The following SBF2 variants were observed in gnomAD, a reference collection of about 807,000 sequenced individuals.
SBF2 encodes the protein myotubularin-related protein 13.
In SBF2, 112 loss-of-function variants were observed where a neutral mutation model predicts 225.2. The observed-to-expected ratio is 0.50, with a 90% CI of 0.43 to 0.58. SBF2 has a LOEUF of 0.58. SBF2 is among the 20% of genes least tolerant of loss of function. SBF2 has a pLI of 0.00. For synonymous variants in SBF2, 763 were observed against 773.3 expected (o/e 0.99, Z 0.22); for missense variants, 1,996 against 2,206.2 (o/e 0.90, Z 1.91).
At chr11:9,781,461 A>G in intron 39 of SBF2, 46 bp downstream of exon 39, 3 of 1,612,910 alleles carry the variant, frequency 1.9e-6, no homozygotes, top group Non-Finnish European at 2.5e-6. Flanking sequence ...GACAGACAGA[A>G]TGATGTGCAG....
Position 9,962,078 on chromosome 11 carries a change from T to C in SBF2, c.1739A>G (p.Lys580Arg), listed in dbSNP as rs546848579. The C allele has an allele frequency of 6.2e-7, 1 of 1,614,100 alleles. No homozygotes were observed. The highest frequency in any genetic ancestry group is 1.7e-5 in the Admixed American group (1 of 60,020). The change falls in exon 16 of 40, where the codon AAA (lysine) becomes AGA (arginine). Residue 580 changes from lysine to arginine, a missense_variant. Transcript: ENST00000256190. ...KTLPAALRAL[K>R]GKAARQCLTD... ...GAGACACTGTCTTGCTGCCTTTCCT[T>C]TAAGGGCTCTGAGTGCAGCAGGAAG...
At chr11:9,839,455 A>G in intron 26 of SBF2, 43 bp downstream of exon 26, 2 of 1,578,964 alleles carry the variant, frequency 1.3e-6, no homozygotes, top group East Asian at 2.2e-5. Context: ...AAATAAGAAG[A>G]AAGGAAGGAA....
intron 27 of SBF2, among the ~76,000 whole-genome samples, chr11:9,830,693 T>A (rs567730968): frequency 1.3e-5 from 2 of 149,914 alleles, no homozygotes; most frequent in African/African-American, 4.9e-5. Context: ...TGAGCCAAGA[T>A]TGCGCCATTG....
intron 17 of SBF2, among the ~76,000 whole-genome samples, chr11:9,870,260 G>A (rs968761729): frequency 2.6e-5 from 4 of 152,170 alleles, no homozygotes; most frequent in Non-Finnish European, 5.9e-5. Flanking sequence ...AATCAGTATT[G>A]TGAAAATGGC....
At chr11:10,156,692 C>G (rs1385893799) in intron 2 of SBF2, among the ~76,000 whole-genome samples, 1 of 152,144 alleles carries the variant, frequency 6.6e-6, no homozygotes, top group African/African-American at 2.4e-5. Flanking sequence ...AATAAAATAC[C>G]TAAGAATACA....
At chr11:10,008,306 C>G (rs1203962137) in intron 6 of SBF2, among the ~76,000 whole-genome samples, 1 of 152,174 alleles carries the variant, frequency 6.6e-6, no homozygotes. Context: ...ACATACTAAC[C>G]TAGACCCAGA....
intron 2 of SBF2, among the ~76,000 whole-genome samples, chr11:10,071,413 C>T (rs1178346270): frequency 6.6e-6 from 1 of 151,890 alleles, no homozygotes; most frequent in African/African-American, 2.4e-5. Context: ...ACTACAAGCG[C>T]CCGCAACCAC....
At chr11:9,797,767 G>C (rs377755339) in intron 32 of SBF2, among the ~76,000 whole-genome samples, 11 of 152,316 alleles carry the variant, frequency 7.2e-5, no homozygotes, top group African/African-American at 2.6e-4. Context: ...CCAGGAGTTT[G>C]AGACCAACCT....
chr11:9,861,547 C>G (rs371297400), intron 17 of SBF2, among the ~76,000 whole-genome samples: 88 of 151,828 alleles, frequency 5.8e-4, no homozygotes, highest in African/African-American at 2.1e-3. Context: ...ACCTGTAATC[C>G]CAGCTACTTG....
intron 35 of SBF2, among the ~76,000 whole-genome samples, chr11:9,788,160 C>A (rs1852496272): frequency 6.6e-6 from 1 of 152,126 alleles, no homozygotes; most frequent in Admixed American, 6.5e-5. Context: ...ATGATTCAAA[C>A]CAGATGTGGA....
chr11:9,781,139 A>C lies in SBF2; in HGVS notation c.5451+368T>G, dbSNP rs116383034. Among the ~76,000 whole-genome samples, 994 of 152,370 alleles carry C rather than the reference A, an allele frequency of 6.5e-3. 11 individuals are homozygous for C. Among genetic ancestry groups the C allele is most frequent in the African/African-American group, 0.023 (947 of 41,590 alleles). ...CGTAGACACTTATCATGTGTGACTA[A>C]GGACAGTCTTTTGTGGGTAGTCAAG... On this transcript the variant is annotated intron_variant, in intron 39 of 39. Transcript: ENST00000256190.
rs202116804 is a variant in SBF2 at position 10,161,204 on chromosome 11, AAAAT to A, written c.141+32694_141+32697del. On this transcript the variant is annotated intron_variant, in intron 2 of 39. Coordinates refer to ENST00000256190, the MANE Select transcript of SBF2 (RefSeq NM_030962.4). Reference sequence around the variant, plus strand: ...TGTCTCAAAAAAAAAAAAAAAAAAAAAAATAGGTCATAAGAAAATAGCAGTTTTC... The same window carrying A: ...TGTCTCAAAAAAAAAAAAAAAAAAAAAGGTCATAAGAAAATAGCAGTTTTC... Among the ~76,000 whole-genome samples the A allele has an allele frequency of 4.3e-4, 65 of 151,492 alleles. 2 individuals carry two copies. Among genetic ancestry groups the A allele is most frequent in the African/African-American group, 1.0e-3 (43 of 41,284 alleles).
intron 2 of SBF2, among the ~76,000 whole-genome samples, chr11:10,117,769 T>C (rs1357578622): frequency 6.6e-6 from 1 of 151,510 alleles, no homozygotes; most frequent in East Asian, 1.9e-4. Context: ...TTCCATGTTG[T>C]TGGGTTTTTT....
chr11:9,926,053 T>G (rs1368038169), intron 16 of SBF2, among the ~76,000 whole-genome samples: 1 of 152,236 alleles, frequency 6.6e-6, no homozygotes, highest in Non-Finnish European at 1.5e-5. Context: ...AAGACTGATA[T>G]GTGGATCTTT....
chr11:9,889,946 C>T (rs1860658406), intron 17 of SBF2, among the ~76,000 whole-genome samples: 1 of 152,158 alleles, frequency 6.6e-6, no homozygotes. Context: ...CTTTGTCACC[C>T]AGGCTGGAGT....
intron 13 of SBF2, among the ~76,000 whole-genome samples, chr11:9,969,816 G>T (rs1867208780): frequency 1.3e-5 from 2 of 152,086 alleles, no homozygotes; most frequent in Non-Finnish European, 2.9e-5. Flanking sequence ...ATAAAATAAA[G>T]CTCCATGAGA....
At chr11:10,132,913 C>G (rs11042641) in intron 2 of SBF2, among the ~76,000 whole-genome samples, 35,002 of 148,530 alleles carry the variant, frequency 0.24, 6,103 homozygotes, top group Non-Finnish European at 0.31. Flanking sequence ...AAAGTTTCCA[C>G]ACACAGGTTC....
intron 9 of SBF2, among the ~76,000 whole-genome samples, chr11:9,995,806 C>A (rs1347651111): frequency 5.7e-5 from 8 of 140,996 alleles, no homozygotes; most frequent in African/African-American, 1.8e-4. Context: ...TGCACCACCA[C>A]ACCCGGCTAA....
At chr11:9,915,310 G>C (rs2134201893) in intron 16 of SBF2, among the ~76,000 whole-genome samples, 1 of 152,200 alleles carries the variant, frequency 6.6e-6, no homozygotes, top group Admixed American at 6.5e-5. Context: ...AGCTGGGCGT[G>C]GTGGCACGTG....
Sources: allele counts gnomAD v4.1 joint callset (sites outside exome capture counted in the v4.1 genomes callset), GRCh38; gene constraint gnomAD v4.1.1; transcripts MANE v1.5; gene names NCBI Gene and HGNC (gene_info 2026-07-23, HGNC 2026-07-21).